The following SLC4A4 variants were observed in gnomAD, a reference collection of about 807,000 sequenced individuals.
The protein encoded by SLC4A4 is solute carrier family 4 member 4.
A neutral mutation model predicts 111.5 loss-of-function variants in SLC4A4; 27 were observed. The observed-to-expected ratio is 0.24, with a 90% CI of 0.18 to 0.33. SLC4A4 has a LOEUF of 0.33. SLC4A4 is among the 10% of genes least tolerant of loss of function. The pLI is 1.00. For synonymous variants in SLC4A4, 443 were observed against 463.4 expected, an observed-to-expected ratio of 0.96 and a Z score of 0.57; for missense variants, 909 against 1,315.5, an observed-to-expected ratio of 0.69 and a Z score of 4.78.
chr4:71,425,484 T>C (rs557726121), intron 7 of SLC4A4, among the ~76,000 whole-genome samples: 28 of 152,264 alleles, frequency 1.8e-4, no homozygotes, highest in African/African-American at 6.0e-4. Flanking sequence ...AAAAAGTATC[T>C]GAGACAAGTC....
intron 1 of SLC4A4, among the ~76,000 whole-genome samples, chr4:71,087,461 T>C (rs923390433): frequency 1.3e-5 from 2 of 152,092 alleles, no homozygotes; most frequent in Non-Finnish European, 2.9e-5. Flanking sequence ...GGAATGTGTT[T>C]ACTCTTGCTT....
chr4:71,070,953 G>GCTAGGAAAAGC (rs111641362), intron 1 of SLC4A4, among the ~76,000 whole-genome samples: 12,748 of 152,160 alleles, frequency 0.084, 1,876 homozygotes, highest in African/African-American at 0.29. Context: ...AAATTCAAGA[G>GCTAGGAAAAGC]CTGGAAAAGG....
intron 12 of SLC4A4, among the ~76,000 whole-genome samples, chr4:71,463,039 A>C (rs758920271): frequency 6.6e-6 from 1 of 152,200 alleles, no homozygotes; most frequent in African/African-American, 2.4e-5. Context: ...AACGGAGCCC[A>C]GACTCCAGAT....
intron 23 of SLC4A4, among the ~76,000 whole-genome samples, chr4:71,561,604 A>G (rs1394611124): frequency 2.0e-5 from 3 of 151,826 alleles, no homozygotes; most frequent in Non-Finnish European, 4.4e-5. Context: ...TAAAGAGAAA[A>G]AGAGGTGAAA....
Position 71,466,570 on chromosome 4 carries a change from T to A in SLC4A4, c.1624T>A (p.Phe542Ile). The change falls in exon 13 of 26, where the codon TTC (phenylalanine) becomes ATC (isoleucine). Residue 542 changes from phenylalanine (F) to isoleucine (I), a missense_variant. Around this residue, in one of 7 missense-constraint regions of SLC4A4, gnomAD observed 264 missense variants for 356.8 expected, o/e 0.74. Coordinates refer to ENST00000264485, the MANE Select transcript of SLC4A4 (RefSeq NM_001098484.3). ...VLVFERLLFNFSKDNNFDYLE... is the reference protein window; with the variant it reads ...VLVFERLLFNISKDNNFDYLE... Reference sequence around the variant, plus strand: ...AGTTTTTGAGAGGCTTCTATTTAATTTCAGCAAGTATGTACATACATATTT... The same window carrying A: ...AGTTTTTGAGAGGCTTCTATTTAATATCAGCAAGTATGTACATACATATTT... The A allele has an allele frequency of 6.2e-7, 1 of 1,613,378 alleles. No homozygotes were observed. Among genetic ancestry groups the A allele is most frequent in the Non-Finnish European group, 8.5e-7 (1 of 1,179,562 alleles).
At chr4:71,518,831 G>C (rs1732652426) in intron 16 of SLC4A4, among the ~76,000 whole-genome samples, 1 of 152,158 alleles carries the variant, frequency 6.6e-6, no homozygotes, top group African/African-American at 2.4e-5. Flanking sequence ...GGGCAACCCG[G>C]ATCAGTCTGT....
intron 5 of SLC4A4, among the ~76,000 whole-genome samples, chr4:71,356,656 T>C (rs80010849): frequency 0.013 from 2,040 of 152,342 alleles, 18 homozygotes; most frequent in Non-Finnish European, 0.023. Context: ...ATATCATTTA[T>C]ATTTCTGATA....
chr4:71,321,353 G>A lies in SLC4A4; in HGVS notation c.254-18017G>A, dbSNP rs547676925. Among the ~76,000 whole-genome samples, 4 of 152,108 alleles carry A rather than the reference G, an allele frequency of 2.6e-5. No individual in the cohort carries two copies. The East Asian group carries it at 5.8e-4, about 22-fold the overall frequency. On this transcript the variant is annotated intron_variant, in intron 3 of 25. Coordinates refer to ENST00000264485, the MANE Select transcript of SLC4A4 (RefSeq NM_001098484.3). ...TTGGGAAGGTGCTTAATGAGGAAAA[G>A]CATCAACATTTACTTGTGTTTATAT...
intron 1 of SLC4A4, among the ~76,000 whole-genome samples, chr4:71,201,677 T>C (rs1353456284): frequency 6.6e-6 from 1 of 152,236 alleles, no homozygotes; most frequent in African/African-American, 2.4e-5. Context: ...CAGCCCTACC[T>C]CTATTATAGT....
intron 2 of SLC4A4, among the ~76,000 whole-genome samples, chr4:71,112,554 T>C (rs1483477396): frequency 1.3e-5 from 2 of 152,216 alleles, no homozygotes; most frequent in African/African-American, 4.8e-5. Context: ...ATTGTGTGCA[T>C]TATGTGTGAT....
In SLC4A4 at chr4:71,380,035, C is replaced by CAT. The variant is rs199675994; in HGVS notation, c.731-17542_731-17541insAT. On this transcript the variant is annotated intron_variant, in intron 6 of 25. Transcript: ENST00000264485. ...GAAAGGGAGAGAAAAGATGAGGTAACGTAAACCTAGAGCAGGAATGATTTT... is the reference window on the plus strand; with the variant it reads ...GAAAGGGAGAGAAAAGATGAGGTAACATGTAAACCTAGAGCAGGAATGATTTT... Among the ~76,000 whole-genome samples, 1,377 of 152,168 alleles carry CAT rather than the reference C, an allele frequency of 9.0e-3. 23 individuals are homozygous for CAT. The highest frequency in any genetic ancestry group is 0.029 in the African/African-American group (1,224 of 41,512).
intron 2 of SLC4A4, among the ~76,000 whole-genome samples, chr4:71,174,250 C>T (rs1034411524): frequency 6.7e-6 from 1 of 149,444 alleles, no homozygotes; most frequent in African/African-American, 2.5e-5. Context: ...AATGACCACA[C>T]CACACTTTTT....
intron 19 of SLC4A4, 88 bp downstream of exon 19, chr4:71,546,616 G>A: frequency 9.0e-7 from 1 of 1,106,448 alleles, no homozygotes; most frequent in Non-Finnish European, 1.3e-6. Context: ...AGATTTGGAG[G>A]AGACAGGGCT....
chr4:71,347,078 G>A (rs1167380585), intron 4 of SLC4A4, among the ~76,000 whole-genome samples: 1 of 152,118 alleles, frequency 6.6e-6, no homozygotes, highest in Non-Finnish European at 1.5e-5. Context: ...AAGAGCTGGT[G>A]TAATCCAGAA....
chr4:71,128,652 C>A (rs560748251), intron 2 of SLC4A4, among the ~76,000 whole-genome samples: 1 of 152,084 alleles, frequency 6.6e-6, no homozygotes, highest in South Asian at 2.1e-4. Flanking sequence ...CCGTGCCAAG[C>A]TAATTTTTGT....
chr4:71,538,358 A>G (rs1332696556), intron 18 of SLC4A4, among the ~76,000 whole-genome samples: 1 of 152,168 alleles, frequency 6.6e-6, no homozygotes, highest in African/African-American at 2.4e-5. Flanking sequence ...TAAGAGTTGA[A>G]TATATAAAAA....
At chr4:71,129,009 C>T in intron 2 of SLC4A4, among the ~76,000 whole-genome samples, 1 of 152,082 alleles carries the variant, frequency 6.6e-6, no homozygotes, top group East Asian at 1.9e-4. Flanking sequence ...ACTATAAAAA[C>T]CGTGGAAGAT....
At chr4:71,190,385 TAC>T (rs5859253) in intron 1 of SLC4A4, among the ~76,000 whole-genome samples, 22,965 of 143,492 alleles carry the variant, frequency 0.16, 1,957 homozygotes, top group Admixed American at 0.29. Context: ...TATGTATGTT[TAC>T]ACACACACAC....
intron 2 of SLC4A4, among the ~76,000 whole-genome samples, chr4:71,107,507 C>T (rs550082011): frequency 2.6e-5 from 4 of 151,894 alleles, no homozygotes; most frequent in South Asian, 2.1e-4. Flanking sequence ...CCACCATGCC[C>T]GGCTAATTTT....
Sources: allele counts gnomAD v4.1 joint callset (sites outside exome capture counted in the v4.1 genomes callset), GRCh38; gene constraint gnomAD v4.1.1; regional missense constraint gnomAD v4.1.1; transcripts MANE v1.5; gene names NCBI Gene and HGNC (gene_info 2026-07-23, HGNC 2026-07-21).